ABCA13: variants seen among roughly 807,000 people sequenced by gnomAD.
ABCA13 encodes ATP-binding cassette sub-family A member 13.
ABCA13 carries 476 observed loss-of-function variants against 478.7 expected under a neutral mutation model. The observed-to-expected ratio is 0.99, with a 90% CI of 0.92 to 1.07. The LOEUF is 1.07. Among genes scored for constraint, ABCA13 ranks in the 50% least tolerant of loss-of-function variants. The pLI, the probability that ABCA13 is intolerant of heterozygous loss-of-function variation, is 0.00. For synonymous variants in ABCA13, 2,252 were observed against 2,158.9 expected, an observed-to-expected ratio of 1.04 and a Z score of -1.20; for missense variants, 6,060 against 5,910.6, an observed-to-expected ratio of 1.03 and a Z score of -0.83.
At chr7:48,324,047 G>A (rs993125887) in intron 27 of ABCA13, among the ~76,000 whole-genome samples, 12 of 152,204 alleles carry the variant, frequency 7.9e-5, no homozygotes, top group African/African-American at 2.4e-4. Flanking sequence ...AAATTACTTC[G>A]TCTCAGGTAT....
intron 29 of ABCA13, among the ~76,000 whole-genome samples, chr7:48,348,844 T>C (rs1808503003): frequency 6.6e-6 from 1 of 152,226 alleles, no homozygotes; most frequent in Admixed American, 6.5e-5. Flanking sequence ...GTAATTCTTC[T>C]ACTATGTGTT....
At chr7:48,355,540 C>CA (rs1417782238) in intron 31 of ABCA13, among the ~76,000 whole-genome samples, 1 of 151,986 alleles carries the variant, frequency 6.6e-6, no homozygotes, top group African/African-American at 2.4e-5. Context: ...AAGTCTTGCT[C>CA]ACGCTGTTGG....
chr7:48,281,504 G>T, intron 19 of ABCA13, 52 bp downstream of exon 19: 2 of 1,463,800 alleles, frequency 1.4e-6, no homozygotes, highest in Non-Finnish European at 9.4e-7. Flanking sequence ...CCAGTTTTCA[G>T]AACTCAGGTG....
In ABCA13 at chr7:48,275,039, C is replaced by A. The variant is rs368321892; in HGVS notation, c.5373C>A (p.Phe1791Leu). The change falls in exon 17 of 62, where the codon TTC (phenylalanine) becomes TTA (leucine). Residue 1791 changes from phenylalanine to leucine, a missense_variant. By Grantham distance (22) the Phe-to-Leu change is conservative. Coordinates refer to ENST00000435803, the MANE Select transcript of ABCA13 (RefSeq NM_152701.5). Reference protein sequence around the residue: ...ITISNITKEDFAIVIKILLDT... With the variant: ...ITISNITKEDLAIVIKILLDT... Reference sequence around the variant, plus strand: ...TTTCAAATATCACCAAGGAAGACTTCGCAATTGTGATAAAAATTCTTTTGG... The same window carrying A: ...TTTCAAATATCACCAAGGAAGACTTAGCAATTGTGATAAAAATTCTTTTGG... 3 of 1,613,716 alleles carry A rather than the reference C, an allele frequency of 1.9e-6. No homozygotes were observed. Among genetic ancestry groups the A allele is most frequent in the Non-Finnish European group, 2.5e-6 (3 of 1,179,766 alleles).
chr7:48,575,251 A>G (rs968506024), intron 55 of ABCA13, among the ~76,000 whole-genome samples: 13 of 152,280 alleles, frequency 8.5e-5, no homozygotes, highest in African/African-American at 2.6e-4. Flanking sequence ...TTGGAGCACT[A>G]TGGAAAGATT....
intron 33 of ABCA13, among the ~76,000 whole-genome samples, chr7:48,372,730 T>C (rs774025520): frequency 6.6e-6 from 1 of 152,224 alleles, no homozygotes; most frequent in African/African-American, 2.4e-5. Flanking sequence ...ACAGAGACTT[T>C]CTGCAGATTC....
Position 48,520,112 on chromosome 7 carries a change from ACTGGTAGAACT to A in ABCA13, c.13873_13883del (p.Val4625LeufsTer2), listed in dbSNP as rs1393705134. 1 of 1,613,572 alleles carries A rather than the reference ACTGGTAGAACT, an allele frequency of 6.2e-7. No individual in the cohort carries two copies. The highest frequency in any genetic ancestry group is 2.2e-5 in the East Asian group (1 of 44,774). On this transcript the variant is annotated frameshift_variant, in exon 53 of 62. Transcript: ENST00000435803. LOFTEE classifies it high-confidence loss of function. ...TTCCTCAATTCTGTCTTGGTCAAGG[ACTGGTAGAACT>A]CTGCTATAATCAGATCAAATATGAC...
At chr7:48,402,661 A>G (rs985827118) in intron 38 of ABCA13, among the ~76,000 whole-genome samples, 1 of 152,230 alleles carries the variant, frequency 6.6e-6, no homozygotes, top group Non-Finnish European at 1.5e-5. Context: ...TTACTTAGTC[A>G]TCAGGCAGAA....
chr7:48,234,234 G>C (rs755189845), intron 8 of ABCA13, 83 bp downstream of exon 8: 1 of 1,598,268 alleles, frequency 6.3e-7, no homozygotes, highest in African/African-American at 1.3e-5. Flanking sequence ...CAGGGTGAGC[G>C]GGTGCCACGG....
chr7:48,516,925 G>T, intron 52 of ABCA13, 44 bp downstream of exon 52: 3 of 1,582,322 alleles, frequency 1.9e-6, no homozygotes, highest in Non-Finnish European at 2.6e-6. Context: ...TGCACCTCTA[G>T]TGCAAAGACG....
chr7:48,318,616 G>C (rs1391938893), intron 27 of ABCA13, among the ~76,000 whole-genome samples: 1 of 151,716 alleles, frequency 6.6e-6, no homozygotes, highest in African/African-American at 2.4e-5. Context: ...CTCTCACATG[G>C]AACGACATTG....
chr7:48,390,009 G>T (rs1815796005), intron 37 of ABCA13, among the ~76,000 whole-genome samples: 1 of 152,126 alleles, frequency 6.6e-6, no homozygotes, highest in Non-Finnish European at 1.5e-5. Flanking sequence ...TAGAAAGAAA[G>T]AATATGGACA....
At chr7:48,291,504 A>G (rs1562979926) in intron 20 of ABCA13, among the ~76,000 whole-genome samples, 1 of 152,142 alleles carries the variant, frequency 6.6e-6, no homozygotes, top group Admixed American at 6.5e-5. Flanking sequence ...TATAAACGTC[A>G]TGTAATGTGG....
Position 48,387,846 on chromosome 7 carries a change from G to T in ABCA13, c.11360G>T (p.Trp3787Leu). 1.3e-6 allele frequency: 2 copies of T among 1,590,816 alleles called. No individual in the cohort carries two copies. Among genetic ancestry groups the T allele is most frequent in the East Asian group, 2.2e-5 (1 of 44,606 alleles). Residue 3787 changes from tryptophan to leucine, a missense_variant, in exon 36 of 62, where the codon TGG (tryptophan) becomes TTG (leucine). This residue lies in a region of ABCA13 where 1,627 missense variants were observed against 1,571.0 expected (regional missense o/e 1.04). Coordinates refer to ENST00000435803, the MANE Select transcript of ABCA13 (RefSeq NM_152701.5). ...GGAACATTTGGTTTACGGAAACCAT[G>T]GTATTTCCCCTTTACTGCCTCATAT... Reference protein sequence around the residue: ...IPGTFGLRKPWYFPFTASYWK... With the variant: ...IPGTFGLRKPLYFPFTASYWK...
intron 47 of ABCA13, among the ~76,000 whole-genome samples, chr7:48,488,834 G>A (rs970908842): frequency 1.3e-5 from 2 of 151,772 alleles, no homozygotes; most frequent in Admixed American, 6.6e-5. Context: ...AATGTTCCAT[G>A]TTCAGTTATT....
Position 48,297,293 on chromosome 7 carries a change from A to C in ABCA13, c.9181A>C (p.Asn3061His). The change falls in exon 22 of 62, where the codon AAT (asparagine) becomes CAT (histidine). Residue 3061 changes from asparagine to histidine, a missense_variant. Physicochemically the swap from Asn to His is moderately conservative, Grantham distance 68. Coordinates refer to ENST00000435803, the MANE Select transcript of ABCA13 (RefSeq NM_152701.5). ...SGNPIMTFLS[N>H]FTVTEDVKIK... ...GAATCCCATCATGACTTTTCTCAGC[A>C]ATTTCACAGTAACTGAGGGTAAGTA... The C allele has an allele frequency of 6.2e-7, 1 of 1,608,744 alleles. No individual in the cohort carries two copies. The highest frequency in any genetic ancestry group is 1.3e-5 in the African/African-American group (1 of 74,996).
In ABCA13 at chr7:48,615,297, T is replaced by C; in HGVS notation, c.14757T>C (p.Cys4919=). Residue 4919 remains cysteine, a synonymous_variant, in exon 59 of 62, where the codon TGT becomes TGC. Transcript: ENST00000435803. The part of the protein sequence containing the change: ...AVLTSHSMEE[C]EALCTRLAIM... ...TCCTTCTTTACAGCATGGAGGAGTG[T>C]GAGGCTCTTTGCACAAGACTGGCCA... The C allele has an allele frequency of 6.4e-7, 1 of 1,565,038 alleles. No individual in the cohort carries two copies.
In ABCA13 at chr7:48,626,864, T is replaced by A. The variant is rs902603788; in HGVS notation, c.14837+11487T>A. ...GACACTGATGGGCTGTTTGGAGAATTCCTACGAGGAAGGGCTGTTGATATT... is the reference window on the plus strand; with the variant it reads ...GACACTGATGGGCTGTTTGGAGAATACCTACGAGGAAGGGCTGTTGATATT... On this transcript the variant is annotated intron_variant, in intron 59 of 61. Transcript: ENST00000435803. The A allele has an allele frequency of 2.8e-5, 28 of 985,286 alleles. No homozygotes were observed. The African/African-American group carries it at 4.9e-4, about 17-fold the overall frequency. The allele number at this position is 985,286 out of a possible 1,614,324, so 61.0% of individuals were successfully genotyped here.
At chr7:48,223,292 C>A (rs1430217584) in intron 5 of ABCA13, among the ~76,000 whole-genome samples, 2 of 152,066 alleles carry the variant, frequency 1.3e-5, no homozygotes, top group Admixed American at 6.5e-5. Flanking sequence ...CAGTTTGGAG[C>A]TGAGATAAAC....
Sources: gnomAD v4.1 joint callset for allele counts (sites outside exome capture counted in the v4.1 genomes callset) on GRCh38, gnomAD v4.1.1 for gene constraint, gnomAD v4.1.1 regional missense constraint, MANE v1.5 for transcripts, NCBI Gene and HGNC (gene_info 2026-07-23, HGNC 2026-07-21) for gene names.